The following PDE4B variants were observed in gnomAD, a reference collection of about 807,000 sequenced individuals.
The protein encoded by PDE4B is 3',5'-cyclic-AMP phosphodiesterase 4B.
Under a neutral mutation model 82.2 loss-of-function variants are expected in PDE4B, and 20 were observed. That is an observed-to-expected ratio of 0.24 (90% CI 0.17 to 0.35). PDE4B has a LOEUF of 0.35. PDE4B is among the 10% of genes least tolerant of loss of function. The pLI, the probability that PDE4B is intolerant of heterozygous loss-of-function variation, is 1.00. For synonymous variants in PDE4B, 320 were observed against 318.9 expected (o/e 1.00, Z -0.04); for missense variants, 655 against 907.2 (o/e 0.72, Z 3.57).
chr1:66,290,791 C>A (rs1343679609), intron 7 of PDE4B, among the ~76,000 whole-genome samples: 1 of 152,164 alleles, frequency 6.6e-6, no homozygotes, highest in South Asian at 2.1e-4. Context: ...CCACAAGAAA[C>A]CTTCCACCCA....
At chr1:66,356,285 G>T (rs562197077) in intron 9 of PDE4B, among the ~76,000 whole-genome samples, 1 of 152,222 alleles carries the variant, frequency 6.6e-6, no homozygotes, top group South Asian at 2.1e-4. Flanking sequence ...CACATGATTT[G>T]CTGACCAAAA....
At chr1:65,823,745 C>T (rs1049682249) in intron 1 of PDE4B, among the ~76,000 whole-genome samples, 4 of 152,164 alleles carry the variant, frequency 2.6e-5, no homozygotes, top group African/African-American at 9.7e-5. Context: ...TGAATACCTA[C>T]CTACATCTCT....
intron 1 of PDE4B, among the ~76,000 whole-genome samples, chr1:65,824,191 A>G (rs750529988): frequency 1.3e-5 from 2 of 152,156 alleles, no homozygotes; most frequent in Admixed American, 6.5e-5. Flanking sequence ...CAATTCCTCA[A>G]GGTCAATAAC....
chr1:66,239,995 A>AT (rs2101654675), intron 3 of PDE4B, among the ~76,000 whole-genome samples: 1 of 152,330 alleles, frequency 6.6e-6, no homozygotes, highest in Non-Finnish European at 1.5e-5. Flanking sequence ...AATGTGAATG[A>AT]TTTTTGCTGT....
At chr1:65,887,916 A>T (rs1646810727) in intron 1 of PDE4B, among the ~76,000 whole-genome samples, 1 of 152,022 alleles carries the variant, frequency 6.6e-6, no homozygotes, top group South Asian at 2.1e-4. Context: ...CACTAAGTTG[A>T]TTGTTACCTT....
intron 7 of PDE4B, among the ~76,000 whole-genome samples, chr1:66,272,259 G>GATTC (rs1466237681): frequency 1.3e-5 from 2 of 152,208 alleles, no homozygotes; most frequent in African/African-American, 4.8e-5. Flanking sequence ...CAGAGCCAGA[G>GATTC]ATTCGCCTCA....
chr1:65,917,711 G>T (rs917544294), intron 2 of PDE4B, among the ~76,000 whole-genome samples: 1 of 152,142 alleles, frequency 6.6e-6, no homozygotes, highest in Non-Finnish European at 1.5e-5. Context: ...GTACTTGAAC[G>T]TGGCAGTTCA....
At position 66,372,776 on chromosome 1, in the gene PDE4B, C is replaced by T; in HGVS notation, c.*98C>T. On this transcript the variant is annotated 3_prime_UTR_variant, in exon 17 of 17. Coordinates refer to ENST00000341517, the MANE Select transcript of PDE4B (RefSeq NM_002600.4). ...CATGGGGGCCAAGACCTGCACAGGA[C>T]AAGGGCCACCTGGCCTTTCAGTTAC... 8.1e-7 allele frequency: 1 copy of T among 1,234,214 alleles called. No homozygotes were observed. The highest frequency in any genetic ancestry group is 1.1e-6 in the Non-Finnish European group (1 of 884,596). The allele number at this position is 1,234,214 out of a possible 1,614,324, so 76.5% of individuals were successfully genotyped here.
At chr1:66,143,098 G>T (rs925125349) in intron 3 of PDE4B, among the ~76,000 whole-genome samples, 5 of 152,218 alleles carry the variant, frequency 3.3e-5, no homozygotes, top group African/African-American at 4.8e-5. Context: ...AATGCTGGAA[G>T]AATCAGAAGA....
chr1:66,007,638 G>A (rs1415652730), intron 3 of PDE4B, among the ~76,000 whole-genome samples: 2 of 152,126 alleles, frequency 1.3e-5, no homozygotes, highest in Non-Finnish European at 2.9e-5. Flanking sequence ...CAATTAATCA[G>A]TAGTGAGCTA....
intron 1 of PDE4B, among the ~76,000 whole-genome samples, chr1:65,852,159 A>G (rs1286475194): frequency 6.6e-6 from 1 of 151,944 alleles, no homozygotes; most frequent in African/African-American, 2.4e-5. Context: ...CATGAAAGAC[A>G]TGGATTTGTA....
intron 10 of PDE4B, 115 bp from the exon 11 acceptor site, chr1:66,363,053 C>G (rs921397007): frequency 4.4e-5 from 30 of 689,040 alleles, no homozygotes; most frequent in African/African-American, 4.3e-4. Flanking sequence ...CTAAAGCACT[C>G]TAAGGAGACA....
rs773339443 is a variant in PDE4B, at chr1:66,332,492, G to A, written c.635-16G>A. 8 of 1,614,068 alleles carry A rather than the reference G, an allele frequency of 5.0e-6. No individual in the cohort carries two copies. The highest frequency in any genetic ancestry group is 6.8e-6 in the Non-Finnish European group (8 of 1,180,050). ...GCCGCTCCAGCCTAACTACATGCCT[G>A]TGTGTTTGTTTGCAGAAGAATCTTA... is the stretch of plus-strand genomic sequence containing the variant. On this transcript the variant is annotated splice_polypyrimidine_tract_variant and intron_variant, in intron 7 of 16. Coordinates refer to ENST00000341517, the MANE Select transcript of PDE4B (RefSeq NM_002600.4).
intron 3 of PDE4B, among the ~76,000 whole-genome samples, chr1:65,967,268 A>G (rs1336477512): frequency 6.6e-6 from 1 of 152,268 alleles, no homozygotes; most frequent in East Asian, 1.9e-4. Context: ...TATACAGCCA[A>G]CACGCATATG....
At chr1:65,988,002 C>A (rs1382857808) in intron 3 of PDE4B, among the ~76,000 whole-genome samples, 1 of 152,230 alleles carries the variant, frequency 6.6e-6, no homozygotes, top group Non-Finnish European at 1.5e-5. Context: ...ACTGTCTACT[C>A]TGTGCCATAG....
intron 3 of PDE4B, among the ~76,000 whole-genome samples, chr1:65,938,229 G>A (rs1274731178): frequency 5.3e-5 from 8 of 152,018 alleles, no homozygotes. Flanking sequence ...TGTCCTCTAG[G>A]AATTCTCATT....
rs140042037 is a variant in PDE4B at position 65,869,074 on chromosome 1, G to A, written c.-70-44171G>A. ...CAGGATCAGTCCAGACAGAGGAATG[G>A]GAAATCTAGTCTGATTCTTGGAAGA... On this transcript the variant is annotated intron_variant, in intron 1 of 16. Coordinates refer to ENST00000341517, the MANE Select transcript of PDE4B (RefSeq NM_002600.4). 1.3e-4 allele frequency among the ~76,000 whole-genome samples: 20 copies of A among 152,264 alleles called. No individual in the cohort carries two copies. In the East Asian group the frequency reaches 3.9e-3, roughly 29 times the overall value.
At chr1:66,370,208 C>G (rs910238284) in intron 16 of PDE4B, among the ~76,000 whole-genome samples, 1 of 142,020 alleles carries the variant, frequency 7.0e-6, no homozygotes, top group African/African-American at 2.6e-5. Context: ...GCTCTGAAGT[C>G]TAATATACTG....
chr1:65,889,272 TG>T (rs1646826431), intron 1 of PDE4B, among the ~76,000 whole-genome samples: 1 of 152,148 alleles, frequency 6.6e-6, no homozygotes, highest in Non-Finnish European at 1.5e-5. Context: ...TTTGCATTCC[TG>T]GGATAAATCC....
Sources: allele counts gnomAD v4.1 joint callset (sites outside exome capture counted in the v4.1 genomes callset), GRCh38; gene constraint gnomAD v4.1.1; transcripts MANE v1.5; gene names NCBI Gene and HGNC (gene_info 2026-07-23, HGNC 2026-07-21).